The following PCDH15 variants were observed in gnomAD, a reference collection of about 807,000 sequenced individuals.
The protein encoded by PCDH15 is protocadherin-15.
A neutral mutation model predicts 178.5 loss-of-function variants in PCDH15; 129 were observed. The ratio of observed to expected loss-of-function variants is 0.72; its 90% CI spans 0.63 to 0.84. The LOEUF (loss-of-function observed/expected upper bound fraction) is 0.84, where lower values mean the gene tolerates loss of function less well. Among genes scored for constraint, PCDH15 ranks in the 40% least tolerant of loss-of-function variants. The pLI is 0.00. For synonymous variants in PCDH15, 800 were observed against 732.0 expected, an observed-to-expected ratio of 1.09 and a Z score of -1.50; for missense variants, 2,230 against 2,099.9, an observed-to-expected ratio of 1.06 and a Z score of -1.21.
intron 17 of PCDH15, among the ~76,000 whole-genome samples, chr10:54,075,269 C>T (rs769295217): frequency 3.3e-5 from 5 of 151,854 alleles, no homozygotes; most frequent in South Asian, 2.1e-4. Context: ...CCCAGTTACT[C>T]GGGAGGCTGA....
At chr10:53,895,844 G>C (rs1203061558) in intron 26 of PCDH15, among the ~76,000 whole-genome samples, 3 of 152,136 alleles carry the variant, frequency 2.0e-5, no homozygotes, top group Admixed American at 1.3e-4. Flanking sequence ...TTCACAGAAA[G>C]TTAGTATGTT....
chr10:54,158,860 C>G (rs1590855021), intron 13 of PCDH15, among the ~76,000 whole-genome samples: 1 of 152,058 alleles, frequency 6.6e-6, no homozygotes, highest in South Asian at 2.1e-4. Context: ...GTAATTCCAG[C>G]ACTTTGGGAG....
intron 2 of PCDH15, among the ~76,000 whole-genome samples, chr10:54,557,315 G>T (rs61853627): frequency 0.074 from 11,323 of 152,158 alleles, 532 homozygotes; most frequent in Non-Finnish European, 0.11. Flanking sequence ...TCTATTGGGT[G>T]TGGCCAACAA....
At chr10:54,295,668 G>A (rs111772440) in intron 8 of PCDH15, among the ~76,000 whole-genome samples, 70 of 152,284 alleles carry the variant, frequency 4.6e-4, no homozygotes, top group African/African-American at 1.6e-3. Context: ...GAAGCTCCGC[G>A]CTTCATTCTT....
At chr10:54,049,752 C>T (rs879535313) in intron 18 of PCDH15, among the ~76,000 whole-genome samples, 1 of 151,990 alleles carries the variant, frequency 6.6e-6, no homozygotes, top group Non-Finnish European at 1.5e-5. Flanking sequence ...TCCCAAGTAG[C>T]TTGCACTACA....
intron 3 of PCDH15, among the ~76,000 whole-genome samples, chr10:54,891,144 C>T (rs1322325440): frequency 6.6e-6 from 1 of 152,016 alleles, no homozygotes; most frequent in South Asian, 2.1e-4. Context: ...ATTCAAAAGG[C>T]AACTGAAAAT....
chr10:54,010,975 GAAGA>G (rs2092562598), intron 20 of PCDH15, among the ~76,000 whole-genome samples: 1 of 152,136 alleles, frequency 6.6e-6, no homozygotes, highest in Non-Finnish European at 1.5e-5. Flanking sequence ...TTGGACTGGA[GAAGA>G]AAGAAAGGGC....
intron 13 of PCDH15, among the ~76,000 whole-genome samples, chr10:54,159,387 A>C (rs141964515): frequency 6.6e-6 from 1 of 152,240 alleles, no homozygotes; most frequent in East Asian, 1.9e-4. Flanking sequence ...TCTTCATTGG[A>C]TGTACCTAAG....
chr10:53,821,707 A>ATATCTTTT lies in PCDH15; in HGVS notation c.4368-1485_4368-1478dup, dbSNP rs1554819312. The ATATCTTTT allele has an allele frequency of 2.7e-6, 4 of 1,460,076 alleles. No individual in the cohort carries two copies. In the East Asian group the frequency reaches 9.8e-5, roughly 36 times the overall value. 90.4% of individuals were successfully genotyped at this position (1,460,076 alleles called of 1,614,324 possible). A position where few individuals can be genotyped will look rare whatever the true frequency, so the allele number is the denominator to read the frequency against. ...GAGTGAGTTAGTAGTGATGAGGTTA[A>ATATCTTTT]TATCTTTTTAAATTAAAAACGAGAA... is the stretch of plus-strand genomic sequence containing the variant. On this transcript the variant is annotated intron_variant, in intron 32 of 37. Coordinates refer to ENST00000644397, the MANE Select transcript of PCDH15 (RefSeq NM_001384140.1).
intron 3 of PCDH15, among the ~76,000 whole-genome samples, chr10:54,850,778 A>G (rs755003517): frequency 6.6e-6 from 1 of 152,180 alleles, no homozygotes; most frequent in Non-Finnish European, 1.5e-5. Context: ...AGAGTTTGCC[A>G]AATTATAATG....
At chr10:54,705,308 AAAAT>A (rs145146152) in intron 1 of PCDH15, among the ~76,000 whole-genome samples, 2,637 of 152,152 alleles carry the variant, frequency 0.017, 76 homozygotes, top group African/African-American at 0.059. Context: ...CTATGAACCT[AAAAT>A]AATTAAAAAA....
chr10:54,452,560 T>C (rs2076546211), intron 3 of PCDH15: 2 of 152,106 alleles, frequency 1.3e-5, no homozygotes, highest in African/African-American at 4.8e-5. Context: ...GAACACAAGA[T>C]AAAGAGAATC....
intron 3 of PCDH15, among the ~76,000 whole-genome samples, chr10:54,520,367 G>GA (rs1457764583): frequency 4.0e-5 from 6 of 151,592 alleles, no homozygotes; most frequent in Non-Finnish European, 8.8e-5. Context: ...AAATTTACAA[G>GA]AAAAAAACAA....
upstream of PCDH15, among the ~76,000 whole-genome samples, chr10:55,323,974 G>T (rs961989580): frequency 2.0e-5 from 3 of 152,034 alleles, no homozygotes; most frequent in African/African-American, 7.2e-5. Flanking sequence ...GAATCATGGG[G>T]GATGTTTCCC....
intron 2 of PCDH15, among the ~76,000 whole-genome samples, chr10:55,602,352 G>C (rs1164043698): frequency 6.6e-6 from 1 of 151,906 alleles, no homozygotes; most frequent in Non-Finnish European, 1.5e-5. Context: ...GGTAAAAAAA[G>C]CGGCTGGGAA....
chr10:54,720,916 C>A (rs1006299427), intron 1 of PCDH15, among the ~76,000 whole-genome samples: 1 of 152,096 alleles, frequency 6.6e-6, no homozygotes, highest in South Asian at 2.1e-4. Flanking sequence ...CATTACATTT[C>A]ATCCTAAACC....
intron 25 of PCDH15, among the ~76,000 whole-genome samples, chr10:53,933,283 C>T (rs2085248399): frequency 6.6e-6 from 1 of 151,984 alleles, no homozygotes; most frequent in South Asian, 2.1e-4. Context: ...ATTAACTCTT[C>T]AATTAGCATT....
intron 3 of PCDH15, among the ~76,000 whole-genome samples, chr10:54,895,012 C>T (rs1478830545): frequency 6.6e-6 from 1 of 152,168 alleles, no homozygotes; most frequent in African/African-American, 2.4e-5. Flanking sequence ...ATCACTCTGA[C>T]AGCAGAATCA....
chr10:54,317,569 G>C, intron 7 of PCDH15, 128 bp from the exon 8 acceptor site: 1 of 1,025,552 alleles, frequency 9.8e-7, no homozygotes, highest in Non-Finnish European at 1.5e-6. Flanking sequence ...GAGGTCAGGG[G>C]TTTGATACCA....
Sources: gnomAD v4.1 joint callset for allele counts (sites outside exome capture counted in the v4.1 genomes callset) on GRCh38, gnomAD v4.1.1 for gene constraint, MANE v1.5 for transcripts, NCBI Gene and HGNC (gene_info 2026-07-23, HGNC 2026-07-21) for gene names.